Variants in CALN1 observed in about 807,000 individuals in gnomAD.
The protein encoded by CALN1 is calcium-binding protein 8.
In CALN1, 17 loss-of-function variants were observed where a neutral mutation model predicts 30.6. The ratio of observed to expected loss-of-function variants is 0.56; its 90% CI spans 0.38 to 0.83. The LOEUF is 0.83. Ranked by LOEUF, CALN1 falls within the 40% of genes least tolerant of loss-of-function variation. The probability of loss-of-function intolerance (pLI) is 0.00; values close to 1 mark genes in which losing one functional copy is unlikely to be tolerated. For synonymous variants in CALN1, 156 were observed against 131.4 expected (o/e 1.19, Z -1.28); for missense variants, 291 against 354.9 (o/e 0.82, Z 1.45).
chr7:72,255,446 G>A (rs995630972), intron 3 of CALN1, among the ~76,000 whole-genome samples: 5 of 142,710 alleles, frequency 3.5e-5, no homozygotes, highest in East Asian at 4.2e-4. Context: ...ATGGAATCTC[G>A]CTTTGTCACC....
At chr7:72,089,008 G>A (rs10270535) in intron 4 of CALN1, among the ~76,000 whole-genome samples, 7,708 of 151,928 alleles carry the variant, frequency 0.051, 614 homozygotes, top group African/African-American at 0.17. Context: ...AACAGAAAAC[G>A]AGTTAAGTAT....
rs189586360 is a variant in CALN1 at position 71,890,904 on chromosome 7, G to A, written c.502-80412C>T. On this transcript the variant is annotated intron_variant, in intron 5 of 6. Coordinates refer to ENST00000395275, the MANE Select transcript of CALN1 (RefSeq NM_031468.4). Reference sequence around the variant, plus strand: ...TGAGACTACAGGCATGCACCACCACGCCCAGCTCATTTTTGTATGTTTGGT... The same window carrying A: ...TGAGACTACAGGCATGCACCACCACACCCAGCTCATTTTTGTATGTTTGGT... 9.4e-4 allele frequency among the ~76,000 whole-genome samples: 143 copies of A among 151,984 alleles called. 3 individuals carry two copies. Among genetic ancestry groups the A allele is most frequent in the East Asian group, 3.9e-4 (2 of 5,162 alleles).
At chr7:72,317,818 G>C (rs1417495542) in intron 2 of CALN1, among the ~76,000 whole-genome samples, 1 of 152,102 alleles carries the variant, frequency 6.6e-6, no homozygotes, top group Non-Finnish European at 1.5e-5. Flanking sequence ...AGAATTGGAG[G>C]CTCCAGCCCT....
At chr7:72,175,341 G>A (rs541883642) in intron 3 of CALN1, among the ~76,000 whole-genome samples, 1 of 151,996 alleles carries the variant, frequency 6.6e-6, no homozygotes, top group Non-Finnish European at 1.5e-5. Context: ...CCAAAGTGTT[G>A]GGATTATGGG....
intron 6 of CALN1, among the ~76,000 whole-genome samples, chr7:71,797,691 A>G (rs1005205238): frequency 6.6e-6 from 1 of 152,136 alleles, no homozygotes; most frequent in Non-Finnish European, 1.5e-5. Context: ...TGAGGGTCCT[A>G]CAATGAACTC....
At chr7:72,431,441 T>C (rs1807975585) in intron 1 of CALN1, among the ~76,000 whole-genome samples, 3 of 152,142 alleles carry the variant, frequency 2.0e-5, no homozygotes, top group Admixed American at 2.0e-4. Context: ...CACACACGCA[T>C]GCACAACTTA....
At chr7:72,038,373 AT>A (rs60584202) in intron 4 of CALN1, among the ~76,000 whole-genome samples, 37,392 of 144,506 alleles carry the variant, frequency 0.26, 6,309 homozygotes, top group East Asian at 0.54. Context: ...CCTAGTATCT[AT>A]TTTTTTTTTT....
At chr7:72,060,704 C>T (rs1803586609) in intron 4 of CALN1, among the ~76,000 whole-genome samples, 1 of 152,076 alleles carries the variant, frequency 6.6e-6, no homozygotes, top group Non-Finnish European at 1.5e-5. Context: ...GTGCTCTCCC[C>T]ACCGTGATGC....
intron 3 of CALN1, among the ~76,000 whole-genome samples, chr7:72,129,449 G>A (rs941736855): frequency 4.6e-5 from 7 of 152,216 alleles, no homozygotes; most frequent in Admixed American, 2.6e-4. Context: ...GTGTGTGTGT[G>A]CGTTATAGAT....
intron 3 of CALN1, among the ~76,000 whole-genome samples, chr7:72,116,545 G>C (rs1807996199): frequency 6.6e-6 from 1 of 152,192 alleles, no homozygotes; most frequent in East Asian, 1.9e-4. Flanking sequence ...ACGGAAGCAG[G>C]AGGGGACTGA....
rs554151965 is a variant in CALN1, at chr7:72,387,092, G to C, written c.119+16159C>G. ...CCAATGGCCAAGGGTGCAACACTTT[G>C]AGCAATAAAAGAAAAAAATTTGTAC... is the stretch of plus-strand genomic sequence containing the variant. On this transcript the variant is annotated intron_variant, in intron 2 of 6. Coordinates refer to ENST00000395275, the MANE Select transcript of CALN1 (RefSeq NM_031468.4). Among the ~76,000 whole-genome samples, 90 of 148,316 alleles carry C rather than the reference G, an allele frequency of 6.1e-4. 1 individual carries two copies. The highest frequency in any genetic ancestry group is 5.0e-3 in the Admixed American group (74 of 14,714).
chr7:71,789,444 C>T (rs1793187298), intron 6 of CALN1, among the ~76,000 whole-genome samples: 1 of 151,998 alleles, frequency 6.6e-6, no homozygotes, highest in Admixed American at 6.6e-5. Flanking sequence ...CTTGTCCAGC[C>T]CCCACCCCAG....
At chr7:71,910,652 T>C (rs1209501394) in intron 5 of CALN1, among the ~76,000 whole-genome samples, 1 of 152,308 alleles carries the variant, frequency 6.6e-6, no homozygotes, top group Non-Finnish European at 1.5e-5. Context: ...AGTAGAGTTA[T>C]GTAAGAACAG....
At chr7:72,398,251 G>T (rs1806110118) in intron 2 of CALN1, among the ~76,000 whole-genome samples, 1 of 152,206 alleles carries the variant, frequency 6.6e-6, no homozygotes, top group Admixed American at 6.5e-5. Context: ...TCACAAGGAA[G>T]TTTACAGGTC....
chr7:71,871,928 C>G (rs184401612), intron 5 of CALN1, among the ~76,000 whole-genome samples: 3 of 152,190 alleles, frequency 2.0e-5, no homozygotes, highest in Non-Finnish European at 4.4e-5. Flanking sequence ...GGACCATCCA[C>G]AGAACTTTCT....
At chr7:72,116,532 G>A (rs1426886101) in intron 3 of CALN1, among the ~76,000 whole-genome samples, 2 of 152,186 alleles carry the variant, frequency 1.3e-5, no homozygotes, top group South Asian at 2.1e-4. Context: ...GGCACAACAG[G>A]GTACGGAAGC....
intron 2 of CALN1, among the ~76,000 whole-genome samples, chr7:72,299,463 C>CAGAGTTTACGTAAAACAAA (rs76299508): frequency 0.99 from 150,353 of 152,108 alleles, 74,326 homozygotes; most frequent in Middle Eastern, 1. Flanking sequence ...AGTTAAGAGG[C>CAGAGTTTACGTAAAACAAA]AGAAATTACA....
At chr7:71,859,660 A>C (rs138845590) in intron 5 of CALN1, among the ~76,000 whole-genome samples, 3 of 152,342 alleles carry the variant, frequency 2.0e-5, no homozygotes, top group Non-Finnish European at 2.9e-5. Flanking sequence ...ATCAAACCAG[A>C]GACTAAATTA....
intron 3 of CALN1, among the ~76,000 whole-genome samples, chr7:72,107,050 A>AAGGG (rs1019719216): frequency 1.3e-5 from 2 of 151,678 alleles, no homozygotes; most frequent in Non-Finnish European, 2.9e-5. Context: ...AAGAAGGAGG[A>AAGGG]AGGGAGGGAG....
Sources: allele counts gnomAD v4.1 joint callset (sites outside exome capture counted in the v4.1 genomes callset), GRCh38; gene constraint gnomAD v4.1.1; transcripts MANE v1.5; gene names NCBI Gene and HGNC (gene_info 2026-07-23, HGNC 2026-07-21).